Variants in AKR1C3 observed in about 807,000 individuals in gnomAD.
The protein encoded by AKR1C3 is 3-alpha hydroxysteroid dehydrogenase, type II.
Under a neutral mutation model 43.6 loss-of-function variants are expected in AKR1C3, and 48 were observed. The observed-to-expected ratio is 1.10, with a 90% CI of 0.87 to 1.40. The LOEUF is 1.40. Ranked by LOEUF, AKR1C3 falls within the 40% of genes most tolerant of loss-of-function variation. The pLI is 0.00. For synonymous variants in AKR1C3, 162 were observed against 139.6 expected (o/e 1.16, Z -1.13); for missense variants, 482 against 391.2 (o/e 1.23, Z -1.96).
intron 1 of AKR1C3, among the ~76,000 whole-genome samples, chr10:5,088,613 T>C (rs1259374676): frequency 1.3e-5 from 2 of 151,700 alleles, no homozygotes; most frequent in African/African-American, 2.4e-5. Flanking sequence ...GGTATAAAAG[T>C]CTGTTTTATC....
At chr10:5,095,185 T>A (rs1458179991) in intron 1 of AKR1C3, among the ~76,000 whole-genome samples, 1 of 152,124 alleles carries the variant, frequency 6.6e-6, no homozygotes, top group Non-Finnish European at 1.5e-5. Context: ...AGTGGTCTTC[T>A]GACACAAAAA....
At chr10:5,049,273 A>G (rs1456511392) in intron 1 of AKR1C3, among the ~76,000 whole-genome samples, 3 of 152,176 alleles carry the variant, frequency 2.0e-5, no homozygotes, top group Admixed American at 6.5e-5. Flanking sequence ...TTCTTCTTCT[A>G]AGAAGACATA....
chr10:5,067,969 T>G lies in AKR1C3; in HGVS notation c.84+19074T>G, dbSNP rs74325449. 3.7e-3 allele frequency among the ~76,000 whole-genome samples: 561 copies of G among 152,284 alleles called. 5 individuals are homozygous for G. The highest frequency in any genetic ancestry group is 0.013 in the African/African-American group (534 of 41,550). On this transcript the variant is annotated intron_variant, in intron 1 of 8. Transcript: ENST00000439082. ...CTCCAAATTAGGTGCATTGTACTGA[T>G]AGCTGATGAGTTACCATGGGTGATT...
chr10:5,073,187 C>A, intron 1 of AKR1C3, among the ~76,000 whole-genome samples: 1 of 152,138 alleles, frequency 6.6e-6, no homozygotes, highest in East Asian at 1.9e-4. Context: ...TGGTCTCGAA[C>A]CCTTGTCCTC....
intron 4 of AKR1C3, 57 bp downstream of exon 4, chr10:5,098,936 C>G: frequency 7.0e-7 from 1 of 1,422,584 alleles, no homozygotes; most frequent in East Asian, 2.3e-5. Flanking sequence ...AAATCTGTTT[C>G]CCAGGTTCAA....
chr10:5,104,929 G>C (rs1422251967), intron 7 of AKR1C3, among the ~76,000 whole-genome samples: 2 of 152,018 alleles, frequency 1.3e-5, no homozygotes, highest in African/African-American at 4.8e-5. Context: ...TTGTTAACTT[G>C]TTCATGTTTT....
At chr10:5,106,180 C>CTCCT (rs1460363069) in intron 8 of AKR1C3, among the ~76,000 whole-genome samples, 12 of 151,992 alleles carry the variant, frequency 7.9e-5, no homozygotes, top group African/African-American at 2.2e-4. Flanking sequence ...AATGTTTTTC[C>CTCCT]TCCTTCTCCT....
At chr10:5,078,350 G>A (rs1554782046) in intron 1 of AKR1C3, among the ~76,000 whole-genome samples, 3 of 152,326 alleles carry the variant, frequency 2.0e-5, no homozygotes, top group Admixed American at 2.0e-4. Context: ...GGCTGAGGCA[G>A]GTAGAATCAC....
intron 8 of AKR1C3, among the ~76,000 whole-genome samples, chr10:5,106,317 T>A (rs1274706963): frequency 6.6e-6 from 1 of 152,186 alleles, no homozygotes; most frequent in African/African-American, 2.4e-5. Flanking sequence ...TTTAAAAAAA[T>A]TTAAAATCAA....
Position 5,102,227 on chromosome 10 carries a change from G to A in AKR1C3, c.680+17G>A, listed in dbSNP as rs1444187000. 1 of 1,602,824 alleles carries A rather than the reference G, an allele frequency of 6.2e-7. No homozygotes were observed. The highest frequency in any genetic ancestry group is 8.5e-7 in the Non-Finnish European group (1 of 1,170,288). The stretch of plus-strand genomic sequence containing the variant: ...CAAACGATGGTAATAAAAACAATGG[G>A]ACCTTTACATAAACCTTCATTTTGC... On this transcript the variant is annotated intron_variant, in intron 6 of 8. Coordinates refer to ENST00000380554, the MANE Select transcript of AKR1C3 (RefSeq NM_003739.6).
intron 1 of AKR1C3, among the ~76,000 whole-genome samples, chr10:5,062,044 A>G (rs1282146572): frequency 1.3e-5 from 2 of 152,234 alleles, no homozygotes; most frequent in Non-Finnish European, 2.9e-5. Flanking sequence ...AAGACATGTA[A>G]TTCTTTCACA....
At chr10:5,053,917 A>C (rs186315727) in intron 1 of AKR1C3, among the ~76,000 whole-genome samples, 48 of 152,344 alleles carry the variant, frequency 3.2e-4, no homozygotes, top group Admixed American at 1.2e-3. Flanking sequence ...AGAGGAAACA[A>C]ATTTGACAAG....
chr10:5,086,825 A>G (rs1280639840), intron 1 of AKR1C3, among the ~76,000 whole-genome samples: 9 of 152,178 alleles, frequency 5.9e-5, no homozygotes, highest in African/African-American at 1.9e-4. Flanking sequence ...TTTTACCATT[A>G]TGTAGTGGCC....
intron 1 of AKR1C3, among the ~76,000 whole-genome samples, chr10:5,083,815 T>A (rs1554782667): frequency 6.6e-6 from 1 of 152,222 alleles, no homozygotes; most frequent in African/African-American, 2.4e-5. Context: ...GATTTGTATT[T>A]CTCTGATGGC....
chr10:5,104,297 C>T (rs1239840133), intron 7 of AKR1C3, among the ~76,000 whole-genome samples: 1 of 151,956 alleles, frequency 6.6e-6, no homozygotes, highest in Non-Finnish European at 1.5e-5. Flanking sequence ...AAATAAAAAC[C>T]CAAATATGCA....
chr10:5,094,919 C>T (rs1489835632), intron 1 of AKR1C3, among the ~76,000 whole-genome samples: 1 of 152,084 alleles, frequency 6.6e-6, no homozygotes, highest in Non-Finnish European at 1.5e-5. Context: ...CAGAGAAATA[C>T]TTATAGCAAA....
chr10:5,097,880 T>G, intron 3 of AKR1C3: 1 of 1,118,378 alleles, frequency 8.9e-7, no homozygotes, highest in African/African-American at 1.7e-5. Flanking sequence ...TTCATGCAGT[T>G]GTGGTGCCCA....
upstream of AKR1C3, among the ~76,000 whole-genome samples, chr10:5,090,456 G>A (rs1564365882): frequency 6.6e-6 from 1 of 152,110 alleles, no homozygotes; most frequent in Non-Finnish European, 1.5e-5. Flanking sequence ...CCAGGCCACA[G>A]TGTAGCTGAG....
intron 8 of AKR1C3, among the ~76,000 whole-genome samples, chr10:5,106,447 T>G (rs1336293395): frequency 6.6e-6 from 1 of 152,100 alleles, no homozygotes; most frequent in Non-Finnish European, 1.5e-5. Flanking sequence ...TTCATGTAAA[T>G]GCAGGAAAAG....
Sources: gnomAD v4.1 joint callset for allele counts (sites outside exome capture counted in the v4.1 genomes callset) on GRCh38, gnomAD v4.1.1 for gene constraint, MANE v1.5 for transcripts, NCBI Gene and HGNC (gene_info 2026-07-23, HGNC 2026-07-21) for gene names.